The following ENTREP1 variants were observed in gnomAD, a reference collection of about 807,000 sequenced individuals.
ENTREP1 encodes Friedreich ataxia region gene X123.
the ENTREP1 span, among the ~76,000 whole-genome samples, chr9:69,348,312 G>T: frequency 2.0e-5 from 3 of 151,986 alleles, no homozygotes; most frequent in African/African-American, 7.3e-5. Context: ...TAGAGACAGG[G>T]TTTCACCATG....
the ENTREP1 span, among the ~76,000 whole-genome samples, chr9:69,325,973 T>TTAAA: frequency 0.02 from 676 of 34,164 alleles, 3 homozygotes; most frequent in South Asian, 0.12. Context: ...GCTAATAGAA[T>TTAAA]TAAAGACACC....
chr9:69,348,339 C>T, the ENTREP1 span, among the ~76,000 whole-genome samples: 8 of 152,078 alleles, frequency 5.3e-5, no homozygotes, highest in Non-Finnish European at 1.0e-4. Context: ...AGGCTGGTCT[C>T]GAACTCCTGA....
chr9:69,391,867 C>T, the ENTREP1 span: 4 of 1,468,164 alleles, frequency 2.7e-6, no homozygotes, highest in African/African-American at 5.6e-5. Flanking sequence ...CATTTCTTGG[C>T]TGGGAGCTGT....
At chr9:69,368,184 A>G in the ENTREP1 span, among the ~76,000 whole-genome samples, 4 of 151,916 alleles carry the variant, frequency 2.6e-5, no homozygotes, top group Admixed American at 6.6e-5. Context: ...GATGCCTTTT[A>G]TTTCTTTCTC....
the ENTREP1 span, chr9:69,375,948 C>A: frequency 7.0e-7 from 1 of 1,424,472 alleles, no homozygotes; most frequent in Admixed American, 2.0e-5. Flanking sequence ...TATTCCTGTT[C>A]TATTACCTCC....
the ENTREP1 span, among the ~76,000 whole-genome samples, chr9:69,342,277 T>G: frequency 1.3e-5 from 2 of 152,100 alleles, no homozygotes; most frequent in African/African-American, 4.8e-5. Flanking sequence ...AGTTCAGGAG[T>G]TAATTGGCTT....
chr9:69,386,119 T>C, the ENTREP1 span: 1 of 489,050 alleles, frequency 2.0e-6, no homozygotes, highest in African/African-American at 2.0e-5. Flanking sequence ...TAGGAATATA[T>C]ATCTACCATG....
the ENTREP1 span, among the ~76,000 whole-genome samples, chr9:69,373,645 A>T: frequency 7.9e-5 from 12 of 152,254 alleles, no homozygotes; most frequent in African/African-American, 2.9e-4. Context: ...ACCAGTAGAC[A>T]CAGTGCTGCC....
the ENTREP1 span, among the ~76,000 whole-genome samples, chr9:69,338,058 T>C: frequency 4.6e-5 from 7 of 152,202 alleles, no homozygotes; most frequent in Admixed American, 1.3e-4. Flanking sequence ...GAAGTGTTTT[T>C]AGGCCCACAA....
chr9:69,372,011 A>G, the ENTREP1 span, among the ~76,000 whole-genome samples: 1 of 152,114 alleles, frequency 6.6e-6, no homozygotes, highest in Admixed American at 6.6e-5. Flanking sequence ...GAGTTTTTCC[A>G]GTTTTAGAAG....
chr9:69,350,024 T>G, the ENTREP1 span, among the ~76,000 whole-genome samples: 1 of 152,216 alleles, frequency 6.6e-6, no homozygotes, highest in Non-Finnish European at 1.5e-5. Context: ...TTTCTTTGAT[T>G]CTCTGTGTTG....
chr9:69,341,117 T>C, the ENTREP1 span, among the ~76,000 whole-genome samples: 1 of 152,244 alleles, frequency 6.6e-6, no homozygotes, highest in Non-Finnish European at 1.5e-5. Context: ...GAAGTGCTAC[T>C]GTGAAAACCC....
At chr9:69,366,229 A>G in the ENTREP1 span, among the ~76,000 whole-genome samples, 7 of 152,104 alleles carry the variant, frequency 4.6e-5, no homozygotes, top group Non-Finnish European at 7.4e-5. Flanking sequence ...TTCTAACTAT[A>G]AGATGTTATC....
chr9:69,335,125 C>T, the ENTREP1 span, among the ~76,000 whole-genome samples: 1 of 152,052 alleles, frequency 6.6e-6, no homozygotes, highest in African/African-American at 2.4e-5. Context: ...AACATGAGCT[C>T]CTTCTCACAG....
chr9:69,377,403 C>T, the ENTREP1 span: 3 of 1,614,014 alleles, frequency 1.9e-6, no homozygotes, highest in Non-Finnish European at 2.5e-6. Flanking sequence ...CTTGAATGCC[C>T]TGACCACCAC....
At chr9:69,375,370 G>A in the ENTREP1 span, among the ~76,000 whole-genome samples, 6 of 152,240 alleles carry the variant, frequency 3.9e-5, no homozygotes, top group Non-Finnish European at 8.8e-5. Flanking sequence ...AAAAAAAAGT[G>A]AGTTTGGTTC....
At chr9:69,332,086 A>G in the ENTREP1 span, among the ~76,000 whole-genome samples, 1 of 152,190 alleles carries the variant, frequency 6.6e-6, no homozygotes, top group Non-Finnish European at 1.5e-5. Flanking sequence ...TAAAAAATTT[A>G]TCCCCAACTG....
the ENTREP1 span, among the ~76,000 whole-genome samples, chr9:69,340,930 A>G: frequency 6.6e-6 from 1 of 152,178 alleles, no homozygotes; most frequent in Non-Finnish European, 1.5e-5. Flanking sequence ...TTCTAAGAAA[A>G]TGTTCTGTAA....
chr9:69,325,298 C>A, the ENTREP1 span: 1 of 1,183,366 alleles, frequency 8.5e-7, no homozygotes. Context: ...CCGCACCCTT[C>A]CCCGTCCGTC....
Sources: allele counts gnomAD v4.1 joint callset (sites outside exome capture counted in the v4.1 genomes callset), GRCh38; gene constraint gnomAD v4.1.1; transcripts MANE v1.5; gene names NCBI Gene and HGNC (gene_info 2026-07-23, HGNC 2026-07-21).